The following GRIK1 variants were observed in gnomAD, a reference collection of about 807,000 sequenced individuals.
The protein encoded by GRIK1 is glutamate ionotropic receptor kainate type subunit 1.
In GRIK1, 69 loss-of-function variants were observed where a neutral mutation model predicts 105.7. The observed-to-expected ratio is 0.65, with a 90% confidence interval of 0.54 to 0.80. GRIK1 has a LOEUF of 0.80. GRIK1 is among the 30% of genes least tolerant of loss of function. The pLI, the probability that GRIK1 is intolerant of heterozygous loss-of-function variation, is 0.00. For synonymous variants in GRIK1, 438 were observed against 431.3 expected (o/e 1.02, Z -0.19); for missense variants, 1,109 against 1,167.3 (o/e 0.95, Z 0.73).
At chr21:29,930,596 A>G (rs1184062769) in intron 1 of GRIK1, among the ~76,000 whole-genome samples, 2 of 152,236 alleles carry the variant, frequency 1.3e-5, no homozygotes, top group Non-Finnish European at 2.9e-5. Flanking sequence ...ATCAGCACTT[A>G]AAGCATCTGA....
chr21:29,835,922 A>G (rs1438961612), intron 1 of GRIK1, among the ~76,000 whole-genome samples: 2 of 152,206 alleles, frequency 1.3e-5, no homozygotes, highest in Non-Finnish European at 2.9e-5. Flanking sequence ...CCTCAACAGC[A>G]GGTTTGTTTT....
chr21:29,876,918 A>C (rs79701925), intron 1 of GRIK1, among the ~76,000 whole-genome samples: 2,351 of 152,312 alleles, frequency 0.015, 150 homozygotes, highest in Admixed American at 0.1. Context: ...CAATCTACTT[A>C]ATAACCTGCA....
At chr21:29,684,570 C>A (rs957839689) in intron 3 of GRIK1, among the ~76,000 whole-genome samples, 3 of 151,868 alleles carry the variant, frequency 2.0e-5, no homozygotes, top group African/African-American at 7.3e-5. Flanking sequence ...TGCAGTGGTG[C>A]GATCTTGGCG....
At chr21:29,651,966 A>C (rs887719028) in intron 5 of GRIK1, among the ~76,000 whole-genome samples, 2 of 152,054 alleles carry the variant, frequency 1.3e-5, no homozygotes, top group African/African-American at 4.8e-5. Context: ...GGCAGTAATC[A>C]GTTTTCATTT....
At chr21:29,576,913 C>G (rs1449247107) in intron 14 of GRIK1, 51 bp downstream of exon 14, 1 of 935,702 alleles carries the variant, frequency 1.1e-6, no homozygotes, top group Non-Finnish European at 1.7e-6. Context: ...TTCTTTTATA[C>G]TCTACCACAA....
intron 1 of GRIK1, among the ~76,000 whole-genome samples, chr21:29,811,832 G>T (rs2067017007): frequency 6.6e-6 from 1 of 152,230 alleles, no homozygotes; most frequent in Non-Finnish European, 1.5e-5. Flanking sequence ...TGGCCTTCTT[G>T]CTTCTCCGGG....
At chr21:29,557,399 C>G (rs2090284205) in intron 15 of GRIK1, among the ~76,000 whole-genome samples, 1 of 152,196 alleles carries the variant, frequency 6.6e-6, no homozygotes, top group South Asian at 2.1e-4. Context: ...ATGAGTGAAA[C>G]TGATAGTTGC....
intron 17 of GRIK1, 36 bp downstream of exon 17, chr21:29,537,762 C>G (rs778605955): frequency 1.0e-6 from 1 of 952,904 alleles, no homozygotes; most frequent in Non-Finnish European, 1.7e-6. Context: ...TCAAGGCATA[C>G]GGACACTTCA....
At chr21:29,549,629 A>G (rs908818845) in intron 16 of GRIK1, among the ~76,000 whole-genome samples, 3 of 152,148 alleles carry the variant, frequency 2.0e-5, no homozygotes, top group Non-Finnish European at 4.4e-5. Flanking sequence ...TCTGATTTAC[A>G]CCAAAGTAGG....
intron 1 of GRIK1, among the ~76,000 whole-genome samples, chr21:29,831,510 C>G (rs2067638160): frequency 6.6e-6 from 1 of 152,048 alleles, no homozygotes; most frequent in Non-Finnish European, 1.5e-5. Flanking sequence ...GCTGGGGAAG[C>G]CTCAGGAAAC....
chr21:29,639,035 G>A (rs964396072), intron 7 of GRIK1, among the ~76,000 whole-genome samples: 1 of 152,162 alleles, frequency 6.6e-6, no homozygotes, highest in South Asian at 2.1e-4. Context: ...AGTTAAATAG[G>A]TTGGTCTTTC....
rs2071201987 is a variant in GRIK1 at position 29,921,773 on chromosome 21, C to T, written c.118+17610G>A. ...ATATTGCTATACAAATTAACGTACG[C>T]TAAAACTTGACAAATAGAATTGGAC... On this transcript the variant is annotated intron_variant, in intron 1 of 17. Coordinates refer to ENST00000327783, the MANE Select transcript of GRIK1 (RefSeq NM_001330994.2). 2.0e-5 allele frequency among the ~76,000 whole-genome samples: 3 copies of T among 152,108 alleles called. No homozygotes were observed. The East Asian group carries it at 5.8e-4, about 29-fold the overall frequency.
rs1161021434 is a variant in GRIK1 at position 29,795,027 on chromosome 21, AATTTTT to A, written c.119-100970_119-100965del. 7.1e-3 allele frequency among the ~76,000 whole-genome samples: 584 copies of A among 82,158 alleles called. 7 individuals are homozygous for A. The highest frequency in any genetic ancestry group is 0.023 in the African/African-American group (535 of 23,768). 53.9% of individuals were successfully genotyped at this position (82,158 alleles called of 152,430 possible). The stretch of plus-strand genomic sequence containing the variant: ...CCAAGCTTCCTGATGCTTTGCTCTA[AATTTTT>A]TTTTTTTTTTTTTTTTTTTTGAGAT... On this transcript the variant is annotated intron_variant, in intron 1 of 17. Transcript: ENST00000327783.
chr21:29,636,153 T>TA (rs1258458470), intron 7 of GRIK1, among the ~76,000 whole-genome samples: 2 of 152,134 alleles, frequency 1.3e-5, no homozygotes, highest in Non-Finnish European at 2.9e-5. Flanking sequence ...GGAGAAGGCA[T>TA]TCATCCCCCC....
intron 1 of GRIK1, among the ~76,000 whole-genome samples, chr21:29,696,193 T>G (rs1326644278): frequency 6.6e-6 from 1 of 152,246 alleles, no homozygotes; most frequent in Non-Finnish European, 1.5e-5. Flanking sequence ...TTTTGTAGAC[T>G]GATAATATGG....
intron 7 of GRIK1, among the ~76,000 whole-genome samples, chr21:29,603,229 G>A (rs2061551331): frequency 6.6e-6 from 1 of 151,964 alleles, no homozygotes; most frequent in South Asian, 2.1e-4. Flanking sequence ...CACTGATAGT[G>A]CTGGAAGTTA....
In GRIK1 at chr21:29,560,400, C is replaced by CTTTCTCTTT. The variant is rs1601112863; in HGVS notation, c.2356+1223_2356+1224insAAAGAGAAA. On this transcript the variant is annotated intron_variant, in intron 15 of 17. Coordinates refer to ENST00000327783, the MANE Select transcript of GRIK1 (RefSeq NM_001330994.2). ...TCCTTCCTTCCTTCCTTCCTTCCTT[C>CTTTCTCTTT]CTTTCTTTCTTTCTTTCTTTCTTTC... Among the ~76,000 whole-genome samples the CTTTCTCTTT allele has an allele frequency of 3.0e-5, 2 of 67,098 alleles. 1 individual carries two copies. The highest frequency in any genetic ancestry group is 1.9e-4 in the African/African-American group (2 of 10,750). 44.0% of individuals were successfully genotyped at this position (67,098 alleles called of 152,430 possible).
At chr21:29,600,672 A>G (rs2061501555) in intron 7 of GRIK1, among the ~76,000 whole-genome samples, 1 of 152,188 alleles carries the variant, frequency 6.6e-6, no homozygotes, top group African/African-American at 2.4e-5. Context: ...AATGCAGTGA[A>G]TTTTCCATAC....
At chr21:29,793,096 G>A (rs1325534686) in intron 1 of GRIK1, among the ~76,000 whole-genome samples, 2 of 152,048 alleles carry the variant, frequency 1.3e-5, no homozygotes, top group African/African-American at 2.4e-5. Context: ...TCATGTAAAT[G>A]GCCCAGAAAA....
Sources: allele counts gnomAD v4.1 joint callset (sites outside exome capture counted in the v4.1 genomes callset), GRCh38; gene constraint gnomAD v4.1.1; transcripts MANE v1.5; gene names NCBI Gene and HGNC (gene_info 2026-07-23, HGNC 2026-07-21).